The following CYLC1 variants were observed in gnomAD, a reference collection of about 807,000 sequenced individuals.
The protein encoded by CYLC1 is cylicin 1.
CYLC1 carries 2 observed loss-of-function variants against 31.6 expected under a neutral mutation model. The observed-to-expected ratio is 0.06, with a 90% CI of 0.03 to 0.20. CYLC1 has a LOEUF of 0.20. CYLC1 is among the 10% of genes least tolerant of loss of function. The pLI is 1.00. For missense variants in CYLC1, 595 were observed against 424.1 expected (o/e 1.40, Z -3.54); for synonymous variants, 185 against 153.0 (o/e 1.21, Z -1.54).
At position 83,869,942 on chromosome X, in the gene CYLC1, A is replaced by G. The variant is rs2031641808; in HGVS notation, c.58+37A>G. On this transcript the variant is annotated intron_variant, in intron 2 of 4. Transcript: ENST00000329312. ...GTTAATGAAGTTTAATATTTCTTAG[A>G]TTGGAAAACAATTTTAGGAACTAAT... is the stretch of plus-strand genomic sequence containing the variant. 4 of 738,026 alleles carry G rather than the reference A, an allele frequency of 5.4e-6. No homozygotes were observed. In the Middle Eastern group the frequency reaches 1.4e-3, roughly 252 times the overall value. The allele number at this position is 738,026 out of a possible 1,213,427, so 60.8% of individuals were successfully genotyped here. A position where few individuals can be genotyped will look rare whatever the true frequency, so the allele number is the denominator to read the frequency against.
At chrX:83,878,084 A>G (rs1253327478) in intron 4 of CYLC1, among the ~76,000 whole-genome samples, 2 of 59,236 alleles carry the variant, frequency 3.4e-5, no homozygotes, top group African/African-American at 1.4e-4. Context: ...ATAAAAATAT[A>G]TATATTTGTA....
At chrX:83,882,775 T>G (rs1395860150) in intron 4 of CYLC1, among the ~76,000 whole-genome samples, 2 of 111,349 alleles carry the variant, frequency 1.8e-5, no homozygotes, top group Non-Finnish European at 3.8e-5. Flanking sequence ...CATTTCAAAC[T>G]GTATATCCCT....
chrX:83,872,881 T>G lies in CYLC1; in HGVS notation c.178-5T>G. The G allele has an allele frequency of 8.9e-7, 1 of 1,124,550 alleles. No homozygotes were observed. The highest frequency in any genetic ancestry group is 1.2e-6 in the Non-Finnish European group (1 of 845,161). The allele number at this position is 1,124,550 out of a possible 1,213,427, so 92.7% of individuals were successfully genotyped here. A position where few individuals can be genotyped will look rare whatever the true frequency, so the allele number is the denominator to read the frequency against. ...AATGCTTATTATTCTAACCAATCTT[T>G]TCAGAGACATGACAAAAGAAAACTA... On this transcript the variant is annotated splice_polypyrimidine_tract_variant and splice_region_variant and intron_variant, in intron 3 of 4. Coordinates refer to ENST00000329312, the MANE Select transcript of CYLC1 (RefSeq NM_021118.3).
chrX:83,868,167 T>A (rs1198009851), intron 1 of CYLC1, among the ~76,000 whole-genome samples: 1 of 111,200 alleles, frequency 9.0e-6, no homozygotes, highest in African/African-American at 3.3e-5. Flanking sequence ...ATATAATTAT[T>A]CAACTATATT....
At chrX:83,878,117 TG>T (rs1411144001) in intron 4 of CYLC1, among the ~76,000 whole-genome samples, 2 of 51,641 alleles carry the variant, frequency 3.9e-5, no homozygotes, top group African/African-American at 8.5e-5. Context: ...TATATATATT[TG>T]TATATAAATA....
At chrX:83,878,900 T>G (rs910296603) in intron 4 of CYLC1, among the ~76,000 whole-genome samples, 1 of 106,662 alleles carries the variant, frequency 9.4e-6, no homozygotes, top group African/African-American at 3.4e-5. Context: ...GCTTTTCTCC[T>G]TTTCTCCTCC....
At chrX:83,863,998 C>G (rs1176459348) in intron 1 of CYLC1, among the ~76,000 whole-genome samples, 3 of 111,612 alleles carry the variant, frequency 2.7e-5, no homozygotes, top group African/African-American at 9.8e-5. Context: ...TATTGTGTGG[C>G]TTGTAGATGC....
At chrX:83,865,848 A>G (rs779127549) in intron 1 of CYLC1, among the ~76,000 whole-genome samples, 98 of 111,802 alleles carry the variant, frequency 8.8e-4, no homozygotes, top group South Asian at 7.0e-3. Flanking sequence ...GCAAATTGTC[A>G]TTTGCCATGT....
chrX:83,879,165 T>C (rs765864098), intron 4 of CYLC1, among the ~76,000 whole-genome samples: 1 of 110,641 alleles, frequency 9.0e-6, no homozygotes, highest in Non-Finnish European at 1.9e-5. Context: ...ATAATCTTTA[T>C]TAACAAAAAT....
intron 1 of CYLC1, among the ~76,000 whole-genome samples, chrX:83,865,992 C>T (rs994925102): frequency 1.8e-5 from 2 of 111,077 alleles, no homozygotes; most frequent in African/African-American, 6.5e-5. Flanking sequence ...CAAAACTAAA[C>T]TAACATCTAC....
chrX:83,874,672 T>A, intron 4 of CYLC1, 41 bp downstream of exon 4: 14 of 1,107,575 alleles, frequency 1.3e-5, no homozygotes, highest in Non-Finnish European at 1.7e-5. Flanking sequence ...GAAATGGATA[T>A]AAAATGAAAG....
At chrX:83,862,034 A>C (rs2031514733) in intron 1 of CYLC1, among the ~76,000 whole-genome samples, 2 of 111,835 alleles carry the variant, frequency 1.8e-5, no homozygotes, top group Admixed American at 9.5e-5. Flanking sequence ...AATTGCCAGT[A>C]AACTTTAAAA....
intron 4 of CYLC1, among the ~76,000 whole-genome samples, chrX:83,883,316 A>T (rs2147787824): frequency 8.9e-6 from 1 of 112,157 alleles, no homozygotes; most frequent in Admixed American, 9.5e-5. Context: ...TGATTAACTT[A>T]AAAGTTTGGT....
chrX:83,871,695 C>A, intron 3 of CYLC1, 125 bp downstream of exon 3: 2 of 613,061 alleles, frequency 3.3e-6, no homozygotes, highest in Non-Finnish European at 4.8e-6. Context: ...ATTTGTAATT[C>A]TCTGTACAAC....
chrX:83,879,727 A>C (rs1602309592), intron 4 of CYLC1, among the ~76,000 whole-genome samples: 1 of 63,524 alleles, frequency 1.6e-5, no homozygotes, highest in East Asian at 3.5e-4. Flanking sequence ...AAACATTCAA[A>C]CACACACAGA....
chrX:83,884,274 G>C (rs1489265053), intron 4 of CYLC1, among the ~76,000 whole-genome samples: 1 of 111,442 alleles, frequency 9.0e-6, no homozygotes, highest in Non-Finnish European at 1.9e-5. Flanking sequence ...TGATGACATT[G>C]TTTGGTTTTT....
intron 4 of CYLC1, among the ~76,000 whole-genome samples, chrX:83,881,469 T>C (rs2031905808): frequency 9.1e-6 from 1 of 109,297 alleles, no homozygotes; most frequent in Non-Finnish European, 1.9e-5. Flanking sequence ...ATCGGTCATA[T>C]GTCTGCCCAT....
intron 4 of CYLC1, among the ~76,000 whole-genome samples, chrX:83,886,142 T>G (rs1204187177): frequency 1.8e-5 from 2 of 111,764 alleles, no homozygotes; most frequent in African/African-American, 6.5e-5. Context: ...TTTAAATGCA[T>G]TTTCATTTTT....
At chrX:83,875,865 G>A (rs1340818043) in intron 4 of CYLC1, among the ~76,000 whole-genome samples, 1 of 110,356 alleles carries the variant, frequency 9.1e-6, no homozygotes, top group Non-Finnish European at 1.9e-5. Context: ...TTTATTCTAA[G>A]CATCGTAGGA....
Sources: allele counts gnomAD v4.1 joint callset (sites outside exome capture counted in the v4.1 genomes callset), GRCh38; gene constraint gnomAD v4.1.1; transcripts MANE v1.5; gene names NCBI Gene and HGNC (gene_info 2026-07-23, HGNC 2026-07-21).